The following DLEU7 variants were observed in gnomAD, a reference collection of about 807,000 sequenced individuals.
DLEU7 encodes the protein leukemia-associated protein 7.
DLEU7 carries 17 observed loss-of-function variants against 16.0 expected under a neutral mutation model. The observed-to-expected ratio is 1.06, with a 90% CI of 0.73 to 1.59. The LOEUF (loss-of-function observed/expected upper bound fraction) is 1.59. Ranked by LOEUF, DLEU7 falls within the 40% of genes most tolerant of loss-of-function variation. The pLI is 0.00. For missense variants in DLEU7, 308 were observed against 314.9 expected, an observed-to-expected ratio of 0.98 and a Z score of 0.17; for synonymous variants, 113 against 139.8, an observed-to-expected ratio of 0.81 and a Z score of 1.35.
chr13:50,785,805 A>C (rs1875781359), intron 1 of DLEU7, among the ~76,000 whole-genome samples: 1 of 152,186 alleles, frequency 6.6e-6, no homozygotes, highest in Admixed American at 6.5e-5. Flanking sequence ...TATCACCAAC[A>C]CTTGCCAAAT....
At chr13:50,802,120 T>TAAAAAAAAAA (rs11453529) in intron 1 of DLEU7, among the ~76,000 whole-genome samples, 1 of 53,010 alleles carries the variant, frequency 1.9e-5, no homozygotes. Context: ...CTCTATACAC[T>TAAAAAAAAAA]AAAAAAAAAA....
At chr13:50,730,445 T>A (rs1222211870) in intron 1 of DLEU7, among the ~76,000 whole-genome samples, 1 of 152,176 alleles carries the variant, frequency 6.6e-6, no homozygotes, top group Non-Finnish European at 1.5e-5. Flanking sequence ...GGTTAAATAT[T>A]TTGAGTAAGT....
intron 1 of DLEU7, among the ~76,000 whole-genome samples, chr13:50,842,873 G>A (rs1392079942): frequency 1.3e-5 from 2 of 152,188 alleles, no homozygotes; most frequent in South Asian, 2.1e-4. Context: ...CTGCACGTGT[G>A]GAAAGGGCCT....
chr13:50,773,991 G>A (rs1281497702), intron 1 of DLEU7, among the ~76,000 whole-genome samples: 2 of 152,200 alleles, frequency 1.3e-5, no homozygotes, highest in Non-Finnish European at 2.9e-5. Context: ...CCCTCCCCCA[G>A]TCAGGCTGCT....
At chr13:50,762,025 C>T (rs1307927660) in intron 1 of DLEU7, among the ~76,000 whole-genome samples, 13 of 151,462 alleles carry the variant, frequency 8.6e-5, no homozygotes, top group African/African-American at 2.9e-4. Flanking sequence ...CCCATCTCTA[C>T]TAAAAATACA....
chr13:50,730,849 G>T (rs1467927504), intron 1 of DLEU7, among the ~76,000 whole-genome samples: 16 of 152,090 alleles, frequency 1.1e-4, no homozygotes, highest in Non-Finnish European at 1.3e-4. Context: ...GTGGGTGTGA[G>T]GTAGGAGAAT....
At chr13:50,823,579 T>C (rs1876984994) in intron 1 of DLEU7, 59 bp from the exon 2 acceptor site, 15 of 1,516,698 alleles carry the variant, frequency 9.9e-6, no homozygotes, top group Admixed American at 2.0e-5. Context: ...CCAATTGTTG[T>C]ACTTTGCTTA....
At chr13:50,741,310 A>G (rs1043401426) in intron 1 of DLEU7, among the ~76,000 whole-genome samples, 5 of 152,200 alleles carry the variant, frequency 3.3e-5, no homozygotes, top group Middle Eastern at 3.2e-3. Flanking sequence ...ATATACATCT[A>G]TTAAAATACC....
Position 50,777,195 on chromosome 13 carries a change from A to G in DLEU7, c.460-63955T>C, listed in dbSNP as rs116172294. Among the ~76,000 whole-genome samples, 508 of 152,322 alleles carry G rather than the reference A, an allele frequency of 3.3e-3. 1 individual carries two copies. Among genetic ancestry groups the G allele is most frequent in the African/African-American group, 0.012 (485 of 41,570 alleles). On this transcript the variant is annotated intron_variant, in intron 1 of 1. Transcript: ENST00000400393. The stretch of plus-strand genomic sequence containing the variant: ...TGAACTAATAGACTTGTCACAGTTA[A>G]TACTGAGTGTCAACTTGATCGGATT...
Position 50,823,521 on chromosome 13 carries a change from C to T in DLEU7, c.460-1G>A. 6.5e-7 allele frequency: 1 copy of T among 1,535,482 alleles called. No individual in the cohort carries two copies. Among genetic ancestry groups the T allele is most frequent in the South Asian group, 1.2e-5 (1 of 84,050 alleles). On this transcript the variant is annotated splice_acceptor_variant, in intron 1 of 1. Coordinates refer to ENST00000504404, the MANE Select transcript of DLEU7 (RefSeq NM_001306135.2). LOFTEE classifies it high-confidence loss of function. ...AGATGTTTCTAAACTCAACACTATC[C>T]TGAAATGAACAACAAACACAAACAA...
chr13:50,832,405 A>G (rs763782084), intron 1 of DLEU7, among the ~76,000 whole-genome samples: 6 of 151,976 alleles, frequency 3.9e-5, no homozygotes, highest in Non-Finnish European at 7.4e-5. Flanking sequence ...CTAGCAGTCT[A>G]TTTTGTTAAT....
At chr13:50,810,122 G>A (rs1182125844) in intron 1 of DLEU7, among the ~76,000 whole-genome samples, 2 of 147,708 alleles carry the variant, frequency 1.4e-5, no homozygotes, top group Non-Finnish European at 1.5e-5. Context: ...GGAAAGAGAG[G>A]AAACTATAGT....
chr13:50,808,324 C>T (rs546943173), intron 1 of DLEU7, among the ~76,000 whole-genome samples: 1 of 152,182 alleles, frequency 6.6e-6, no homozygotes, highest in Admixed American at 6.5e-5. Context: ...GAAATTGGGG[C>T]ATCCATGTAA....
At chr13:50,793,662 T>C (rs1876031535) in intron 1 of DLEU7, among the ~76,000 whole-genome samples, 1 of 152,222 alleles carries the variant, frequency 6.6e-6, no homozygotes, top group South Asian at 2.1e-4. Context: ...TTGAGAAGTG[T>C]CTGTTCATGT....
intron 1 of DLEU7, among the ~76,000 whole-genome samples, chr13:50,728,542 A>T (rs557274274): frequency 1.3e-5 from 2 of 152,142 alleles, no homozygotes; most frequent in Non-Finnish European, 2.9e-5. Context: ...GTGTTTTCCC[A>T]GGAAAGCCCT....
At chr13:50,747,991 A>T (rs1460577183) in intron 1 of DLEU7, among the ~76,000 whole-genome samples, 1 of 152,238 alleles carries the variant, frequency 6.6e-6, no homozygotes, top group Non-Finnish European at 1.5e-5. Context: ...TTAGGTGGGC[A>T]TAGCCATCCT....
chr13:50,816,025 T>A (rs1876725205), intron 1 of DLEU7, among the ~76,000 whole-genome samples: 1 of 152,096 alleles, frequency 6.6e-6, no homozygotes, highest in South Asian at 2.1e-4. Context: ...TTACATCAAA[T>A]GTGTTCTGAG....
intron 1 of DLEU7, among the ~76,000 whole-genome samples, chr13:50,828,136 G>A (rs1877155368): frequency 1.3e-5 from 2 of 152,076 alleles, no homozygotes; most frequent in African/African-American, 4.8e-5. Flanking sequence ...TTTTAACCTA[G>A]CTTCCTCTGA....
At chr13:50,735,764 A>G (rs1031489058) in intron 1 of DLEU7, among the ~76,000 whole-genome samples, 6 of 152,162 alleles carry the variant, frequency 3.9e-5, no homozygotes, top group African/African-American at 1.4e-4. Flanking sequence ...AAAGCTCAAT[A>G]TCACCAATCG....
Sources: gnomAD v4.1 joint callset for allele counts (sites outside exome capture counted in the v4.1 genomes callset) on GRCh38, gnomAD v4.1.1 for gene constraint, MANE v1.5 for transcripts, NCBI Gene and HGNC (gene_info 2026-07-23, HGNC 2026-07-21) for gene names.